The following TRAIP variants were observed in gnomAD, a reference collection of about 807,000 sequenced individuals.
TRAIP encodes TRAF interacting protein, also known as E3 ubiquitin-protein ligase TRAIP.
Under a neutral mutation model 65.0 loss-of-function variants are expected in TRAIP, and 37 were observed. The observed-to-expected ratio is 0.57, with a 90% CI of 0.44 to 0.75. TRAIP has a LOEUF of 0.75. TRAIP is among the 30% of genes least tolerant of loss of function. TRAIP has a pLI of 0.00. For synonymous variants in TRAIP, 187 were observed against 219.1 expected, an observed-to-expected ratio of 0.85 and a Z score of 1.29; for missense variants, 481 against 579.4, an observed-to-expected ratio of 0.83 and a Z score of 1.74.
intron 5 of TRAIP, among the ~76,000 whole-genome samples, chr3:49,842,840 G>T (rs978236110): frequency 3.9e-5 from 6 of 152,174 alleles, no homozygotes; most frequent in Non-Finnish European, 8.8e-5. Flanking sequence ...ACTGTGGGCT[G>T]CCAAGGTCCA....
intron 3 of TRAIP, among the ~76,000 whole-genome samples, chr3:49,844,928 G>A (rs2081869402): frequency 6.6e-6 from 1 of 152,186 alleles, no homozygotes; most frequent in African/African-American, 2.4e-5. Flanking sequence ...CTCTATGTTG[G>A]TCTCATTCCC....
intron 8 of TRAIP, chr3:49,840,696 G>C: frequency 1.7e-6 from 1 of 572,038 alleles, no homozygotes. Flanking sequence ...CACATTTGAG[G>C]CCTGTGCTCT....
intron 10 of TRAIP, 142 bp downstream of exon 10, chr3:49,839,630 C>G (rs1231772202): frequency 2.6e-6 from 2 of 766,320 alleles, no homozygotes; most frequent in Non-Finnish European, 4.4e-6. Context: ...CCAGCTAAAT[C>G]TTGGCTGGCT....
At chr3:49,833,068 AC>A (rs2108310665) in intron 10 of TRAIP, among the ~76,000 whole-genome samples, 1 of 152,080 alleles carries the variant, frequency 6.6e-6, no homozygotes, top group East Asian at 1.9e-4. Context: ...GACTGCACAA[AC>A]CCACCTCAAA....
intron 10 of TRAIP, among the ~76,000 whole-genome samples, chr3:49,836,976 T>G (rs1458922637): frequency 2.5e-5 from 3 of 119,500 alleles, no homozygotes; most frequent in Non-Finnish European, 3.6e-5. Flanking sequence ...TTTTTTTTTT[T>G]GAGACAGGTC....
At chr3:49,856,171 T>A (rs2081967723) in intron 1 of TRAIP, among the ~76,000 whole-genome samples, 185 bp downstream of exon 1, 1 of 152,198 alleles carries the variant, frequency 6.6e-6, no homozygotes, top group Non-Finnish European at 1.5e-5. Context: ...AGCTATCACC[T>A]CTACCAGAAA....
chr3:49,838,040 T>C (rs2081804063), intron 10 of TRAIP, among the ~76,000 whole-genome samples: 1 of 151,944 alleles, frequency 6.6e-6, no homozygotes, highest in African/African-American at 2.4e-5. Flanking sequence ...TTGGCTAAGT[T>C]TTAAGTTTTT....
At chr3:49,837,579 G>A (rs988845136) in intron 10 of TRAIP, among the ~76,000 whole-genome samples, 4 of 152,148 alleles carry the variant, frequency 2.6e-5, no homozygotes, top group Admixed American at 6.5e-5. Context: ...ACCTGCCACC[G>A]TAATTTTTTT....
intron 3 of TRAIP, among the ~76,000 whole-genome samples, chr3:49,847,216 T>TA (rs1553619324): frequency 1.0e-4 from 15 of 148,828 alleles, no homozygotes; most frequent in East Asian, 3.9e-4. Context: ...AATAAATAAA[T>TA]AAATAAAATA....
At chr3:49,845,132 C>T (rs1461887386) in intron 3 of TRAIP, among the ~76,000 whole-genome samples, 1 of 152,210 alleles carries the variant, frequency 6.6e-6, no homozygotes, top group Non-Finnish European at 1.5e-5. Context: ...CAGCTTTGTA[C>T]CCCTGGATGA....
chr3:49,844,655 G>T, intron 3 of TRAIP, 75 bp from the exon 4 acceptor site: 1 of 1,570,646 alleles, frequency 6.4e-7, no homozygotes, highest in South Asian at 1.1e-5. Flanking sequence ...ATAAGGCTGT[G>T]GGGAGCCCCA....
intron 6 of TRAIP, among the ~76,000 whole-genome samples, chr3:49,842,251 G>A (rs373030759): frequency 2.0e-5 from 3 of 152,086 alleles, no homozygotes; most frequent in Non-Finnish European, 4.4e-5. Flanking sequence ...ATGTGGCAAG[G>A]GCTCCCATTC....
At position 49,830,035 on chromosome 3, in the gene TRAIP, G is replaced by A; in HGVS notation, c.1071C>T (p.Cys357=). 1 of 1,614,170 alleles carries A rather than the reference G, an allele frequency of 6.2e-7. No homozygotes were observed. The highest frequency in any genetic ancestry group is 8.5e-7 in the Non-Finnish European group (1 of 1,180,014). Residue 357 remains cysteine (C), a synonymous_variant, in exon 12 of 15, where the codon TGC becomes TGT. Coordinates refer to ENST00000331456, the MANE Select transcript of TRAIP (RefSeq NM_005879.3). ...SPIQDVPKKI[C]KGPRKESQLS... is the part of the protein sequence containing the mutation. ...AAGCTCTTACCTTCCTGGGGCCTTTGCATATCTTCTTGGGGACATCCTGAA... is the reference window on the plus strand; with the variant it reads ...AAGCTCTTACCTTCCTGGGGCCTTTACATATCTTCTTGGGGACATCCTGAA...
chr3:49,845,040 G>C (rs1014171077), intron 3 of TRAIP, among the ~76,000 whole-genome samples: 1 of 152,172 alleles, frequency 6.6e-6, no homozygotes, highest in Non-Finnish European at 1.5e-5. Context: ...ATTCATAGTC[G>C]ACTTTCCTCC....
chr3:49,840,545 G>C lies in TRAIP; in HGVS notation c.706-172C>G. ...AGTCTGGCAATGCACATCCGGAGCT[G>C]CCTAGAAGCAAAGGCTGCTTCCTAC... On this transcript the variant is annotated intron_variant, in intron 8 of 14. Transcript: ENST00000331456. 6 of 600,258 alleles carry C rather than the reference G, an allele frequency of 1.0e-5. No homozygotes were observed. The South Asian group carries it at 1.2e-4, about 12-fold the overall frequency. 37.2% of individuals were successfully genotyped at this position (600,258 alleles called of 1,614,324 possible).
rs1421268670 is a variant in TRAIP at position 49,841,952 on chromosome 3, C to T, written c.504-13G>A. 1.9e-6 allele frequency: 3 copies of T among 1,609,902 alleles called. No individual in the cohort carries two copies. Among genetic ancestry groups the T allele is most frequent in the South Asian group, 2.2e-5 (2 of 90,980 alleles). On this transcript the variant is annotated splice_polypyrimidine_tract_variant and intron_variant, in intron 6 of 14. Transcript: ENST00000331456. Reference sequence around the variant, plus strand: ...TAGAAGCTCAATCCTGAAAAATACACCCAGCCCACGGCATTTGCAATCTGG... The same window carrying T: ...TAGAAGCTCAATCCTGAAAAATACATCCAGCCCACGGCATTTGCAATCTGG...
intron 10 of TRAIP, among the ~76,000 whole-genome samples, chr3:49,838,819 G>A (rs1239529356): frequency 6.6e-6 from 1 of 151,660 alleles, no homozygotes; most frequent in Non-Finnish European, 1.5e-5. Context: ...CTGGGAGGCG[G>A]AGGTTGCAGT....
chr3:49,840,875 C>T (rs1003763851), intron 8 of TRAIP, 110 bp downstream of exon 8: 30 of 997,428 alleles, frequency 3.0e-5, no homozygotes, highest in Admixed American at 3.7e-5. Flanking sequence ...TCCAGCTGCC[C>T]CAGGGAGTCA....
intron 10 of TRAIP, among the ~76,000 whole-genome samples, chr3:49,835,039 A>G (rs145275380): frequency 2.6e-5 from 4 of 152,200 alleles, no homozygotes; most frequent in Non-Finnish European, 5.9e-5. Flanking sequence ...CTATCTCTAC[A>G]AAAAATAAAA....
Sources: gnomAD v4.1 joint callset for allele counts (sites outside exome capture counted in the v4.1 genomes callset) on GRCh38, gnomAD v4.1.1 for gene constraint, MANE v1.5 for transcripts, NCBI Gene and HGNC (gene_info 2026-07-23, HGNC 2026-07-21) for gene names.